MSI2: variants seen among roughly 807,000 people sequenced by gnomAD.
The protein encoded by MSI2 is musashi RNA binding protein 2, also known as RNA-binding protein Musashi homolog 2.
Under a neutral mutation model 45.6 loss-of-function variants are expected in MSI2, and 17 were observed. The ratio of observed to expected loss-of-function variants is 0.37; its 90% CI spans 0.26 to 0.56. MSI2 has a LOEUF of 0.56. MSI2 is among the 20% of genes least tolerant of loss of function. The probability of loss-of-function intolerance (pLI) is 0.77; values close to 1 mark genes in which losing one functional copy is unlikely to be tolerated. For synonymous variants in MSI2, 156 were observed against 158.2 expected, an observed-to-expected ratio of 0.99 and a Z score of 0.11; for missense variants, 293 against 444.2, an observed-to-expected ratio of 0.66 and a Z score of 3.06.
At chr17:57,412,178 C>T (rs545024885) in intron 6 of MSI2, among the ~76,000 whole-genome samples, 2 of 151,940 alleles carry the variant, frequency 1.3e-5, no homozygotes, top group African/African-American at 4.8e-5. Flanking sequence ...GCTGGGTTTA[C>T]AGGCGTGTGC....
intron 5 of MSI2, among the ~76,000 whole-genome samples, chr17:57,358,096 GT>G (rs1171347788): frequency 6.6e-6 from 1 of 152,198 alleles, no homozygotes; most frequent in Non-Finnish European, 1.5e-5. Context: ...AAAGCTTGCA[GT>G]TATAGACCTT....
At chr17:57,286,513 C>G (rs1909890173) in intron 5 of MSI2, among the ~76,000 whole-genome samples, 1 of 151,550 alleles carries the variant, frequency 6.6e-6, no homozygotes, top group Non-Finnish European at 1.5e-5. Flanking sequence ...AGGACTTGGA[C>G]AGATTTCTGG....
At chr17:57,489,247 G>A (rs2085818459) in intron 6 of MSI2, among the ~76,000 whole-genome samples, 1 of 152,168 alleles carries the variant, frequency 6.6e-6, no homozygotes, top group Non-Finnish European at 1.5e-5. Context: ...TATGAAAGAT[G>A]CAGGGATGTG....
At chr17:57,318,508 A>G (rs1913053603) in intron 5 of MSI2, among the ~76,000 whole-genome samples, 1 of 151,952 alleles carries the variant, frequency 6.6e-6, no homozygotes, top group Non-Finnish European at 1.5e-5. Context: ...CCACCATATC[A>G]CAGAGGACTG....
At chr17:57,584,407 G>A (rs967998528) in intron 7 of MSI2, among the ~76,000 whole-genome samples, 3 of 152,272 alleles carry the variant, frequency 2.0e-5, no homozygotes, top group East Asian at 1.9e-4. Flanking sequence ...CTGCCTGCCC[G>A]CAGACTCCAG....
intron 5 of MSI2, among the ~76,000 whole-genome samples, chr17:57,298,216 C>G (rs1174746369): frequency 6.6e-6 from 1 of 152,058 alleles, no homozygotes; most frequent in Non-Finnish European, 1.5e-5. Context: ...TTGAAATTAC[C>G]CCTGATCCAC....
At position 57,579,563 on chromosome 17, in the gene MSI2, C is replaced by A. The variant is rs8073816; in HGVS notation, c.455-17305C>A. Reference sequence around the variant, plus strand: ...CCTAGACAGTCACCTCTCAGTTAATCTCCAGCCCTCTTTGTCCCCATTTGG... The same window carrying A: ...CCTAGACAGTCACCTCTCAGTTAATATCCAGCCCTCTTTGTCCCCATTTGG... On this transcript the variant is annotated intron_variant, in intron 7 of 13. Coordinates refer to ENST00000284073, the MANE Select transcript of MSI2 (RefSeq NM_138962.4). 5.8e-3 allele frequency among the ~76,000 whole-genome samples: 877 copies of A among 152,328 alleles called. 8 individuals are homozygous for A. The highest frequency in any genetic ancestry group is 0.02 in the African/African-American group (839 of 41,582).
intron 5 of MSI2, among the ~76,000 whole-genome samples, chr17:57,322,871 TG>T (rs926256697): frequency 6.6e-6 from 1 of 152,108 alleles, no homozygotes; most frequent in African/African-American, 2.4e-5. Context: ...GTTTGACACC[TG>T]GGGGGTTCCC....
chr17:57,392,015 G>A (rs966664095), intron 5 of MSI2, among the ~76,000 whole-genome samples: 4 of 152,348 alleles, frequency 2.6e-5, no homozygotes, highest in Non-Finnish European at 4.4e-5. Context: ...GGCTCCCAGA[G>A]GGATGGAGTG....
intron 5 of MSI2, among the ~76,000 whole-genome samples, chr17:57,332,208 C>G (rs770238826): frequency 6.6e-6 from 1 of 151,318 alleles, no homozygotes; most frequent in Non-Finnish European, 1.5e-5. Context: ...TCAAGCAATT[C>G]TCCTGCCTCA....
chr17:57,576,859 G>C (rs995133596), intron 7 of MSI2, among the ~76,000 whole-genome samples: 1 of 152,052 alleles, frequency 6.6e-6, no homozygotes, highest in African/African-American at 2.4e-5. Context: ...AGGAAGCCTG[G>C]GGTTTTTTTA....
intron 6 of MSI2, among the ~76,000 whole-genome samples, chr17:57,468,110 A>T (rs1345081740): frequency 6.6e-6 from 1 of 151,702 alleles, no homozygotes; most frequent in African/African-American, 2.4e-5. Flanking sequence ...TGGTGCCACC[A>T]TTTACTGTCT....
At chr17:57,507,182 G>A (rs979609301) in intron 6 of MSI2, among the ~76,000 whole-genome samples, 2 of 148,494 alleles carry the variant, frequency 1.3e-5, no homozygotes, top group Admixed American at 1.3e-4. Context: ...TGTTGGGGGG[G>A]GGGGGTGTAA....
At chr17:57,469,614 A>G (rs1426075590) in intron 6 of MSI2, among the ~76,000 whole-genome samples, 1 of 152,180 alleles carries the variant, frequency 6.6e-6, no homozygotes, top group Admixed American at 6.5e-5. Context: ...GTTAATCTTC[A>G]GGCCCTGGCT....
intron 5 of MSI2, among the ~76,000 whole-genome samples, chr17:57,333,440 CGTT>C (rs1914431218): frequency 2.0e-5 from 3 of 147,500 alleles, no homozygotes; most frequent in African/African-American, 5.1e-5. Flanking sequence ...TGATTTGTAC[CGTT>C]TTTTTTTTTT....
At position 57,604,281 on chromosome 17, in the gene MSI2, T is replaced by TATCAG. The variant is rs530733239; in HGVS notation, c.537+7333_537+7337dup. Among the ~76,000 whole-genome samples, 16 of 152,376 alleles carry TATCAG rather than the reference T, an allele frequency of 1.1e-4. No individual in the cohort carries two copies. In the South Asian group the frequency reaches 3.3e-3, roughly 32 times the overall value. On this transcript the variant is annotated intron_variant, in intron 8 of 13. Coordinates refer to ENST00000284073, the MANE Select transcript of MSI2 (RefSeq NM_138962.4). ...CAGAGCCAGGCCATGGCACGCTCTC[T>TATCAG]ATCAGAGTGATAGATTTTTTCACCA...
At chr17:57,496,530 T>A (rs777045152) in intron 6 of MSI2, among the ~76,000 whole-genome samples, 5 of 152,232 alleles carry the variant, frequency 3.3e-5, no homozygotes, top group Non-Finnish European at 5.9e-5. Context: ...GGCAAGCTAA[T>A]GTGCTCTGTC....
intron 6 of MSI2, among the ~76,000 whole-genome samples, chr17:57,463,970 GT>G (rs1469178686): frequency 6.6e-6 from 1 of 150,846 alleles, no homozygotes; most frequent in African/African-American, 2.4e-5. Flanking sequence ...TTCACATGTA[GT>G]TTGGTTCAGT....
chr17:57,455,984 T>G (rs2085106389), intron 6 of MSI2, among the ~76,000 whole-genome samples: 3 of 152,180 alleles, frequency 2.0e-5, no homozygotes, highest in African/African-American at 7.2e-5. Context: ...GGAAGCTTTG[T>G]GTTACGGGCC....
Sources: allele counts gnomAD v4.1 joint callset (sites outside exome capture counted in the v4.1 genomes callset), GRCh38; gene constraint gnomAD v4.1.1; transcripts MANE v1.5; gene names NCBI Gene and HGNC (gene_info 2026-07-23, HGNC 2026-07-21).